The following RIMS2 variants were observed in gnomAD, a reference collection of about 807,000 sequenced individuals.
RIMS2 encodes regulating synaptic membrane exocytosis 2, also known as regulating synaptic membrane exocytosis protein 2.
Under a neutral mutation model 174.4 loss-of-function variants are expected in RIMS2, and 59 were observed. That is an observed-to-expected ratio of 0.34 (90% CI 0.27 to 0.42). The LOEUF is 0.42. Among genes scored for constraint, RIMS2 ranks in the 10% least tolerant of loss-of-function variants. The pLI, the probability that RIMS2 is intolerant of heterozygous loss-of-function variation, is 1.00. For synonymous variants in RIMS2, 606 were observed against 572.5 expected (o/e 1.06, Z -0.84); for missense variants, 1,620 against 1,666.3 (o/e 0.97, Z 0.48).
chr8:103,910,577 G>C, intron 5 of RIMS2, 48 bp downstream of exon 8: 1 of 1,122,964 alleles, frequency 8.9e-7, no homozygotes, highest in Non-Finnish European at 1.3e-6. Flanking sequence ...TTTGGTCTTC[G>C]TTTGCTCTCT....
At position 103,643,698 on chromosome 8, in the gene RIMS2, T is replaced by G. The variant is rs118162415; in HGVS notation, c.177-53388T>G. On this transcript the variant is annotated intron_variant, in intron 1 of 23. Transcript: ENST00000504942. The stretch of plus-strand genomic sequence containing the variant: ...ATAGTTTCTGAGGATTGCAGTTGTT[T>G]TAGTTGTTTCACCTGTTATTATATA... 4.6e-3 allele frequency among the ~76,000 whole-genome samples: 698 copies of G among 152,222 alleles called. 3 individuals are homozygous for G. The highest frequency in any genetic ancestry group is 0.01 in the Middle Eastern group (3 of 294).
chr8:103,524,050 A>T (rs75372565), intron 1 of RIMS2, among the ~76,000 whole-genome samples: 1 of 152,206 alleles, frequency 6.6e-6, no homozygotes, highest in Admixed American at 6.5e-5. Context: ...ATTGTAATAA[A>T]AATTGGATTA....
intron 1 of RIMS2, among the ~76,000 whole-genome samples, chr8:103,550,645 C>CA (rs1245340543): frequency 6.6e-6 from 1 of 151,480 alleles, no homozygotes; most frequent in African/African-American, 2.4e-5. Flanking sequence ...AAAAACCCTT[C>CA]AAAAAAATCA....
rs530895762 is a variant in RIMS2, at chr8:103,752,649, G to A, written c.388-13578G>A. 2.7e-3 allele frequency among the ~76,000 whole-genome samples: 416 copies of A among 152,206 alleles called. 2 individuals carry two copies. Among genetic ancestry groups the A allele is most frequent in the African/African-American group, 9.4e-3 (389 of 41,530 alleles). On this transcript the variant is annotated intron_variant, in intron 2 of 23. Coordinates refer to ENST00000504942, the Ensembl canonical transcript of RIMS2. Reference sequence around the variant, plus strand: ...ATTTCTCCTTGAAGAGGTCCTTCATGTCCCTTGTAAGGTGGATTCCTAGGT... The same window carrying A: ...ATTTCTCCTTGAAGAGGTCCTTCATATCCCTTGTAAGGTGGATTCCTAGGT...
chr8:104,063,518 T>A (rs2097045619), intron 19 of RIMS2, among the ~76,000 whole-genome samples: 2 of 152,058 alleles, frequency 1.3e-5, no homozygotes, highest in South Asian at 4.1e-4. Context: ...AGAGATGGGG[T>A]AAGGAATAGA....
chr8:103,662,135 A>T (rs755731915), intron 1 of RIMS2, among the ~76,000 whole-genome samples: 1 of 152,224 alleles, frequency 6.6e-6, no homozygotes, highest in Non-Finnish European at 1.5e-5. Context: ...ACTTTAAGAA[A>T]GTTTACAGAT....
intron 4 of RIMS2, among the ~76,000 whole-genome samples, chr8:103,909,637 A>C (rs757712479): frequency 2.6e-5 from 4 of 152,120 alleles, no homozygotes; most frequent in Non-Finnish European, 4.4e-5. Flanking sequence ...GAAGAATATC[A>C]TACTGCATTT....
At chr8:103,997,962 G>A (rs1215348035) in intron 17 of RIMS2, among the ~76,000 whole-genome samples, 1 of 151,026 alleles carries the variant, frequency 6.6e-6, no homozygotes, top group Non-Finnish European at 1.5e-5. Context: ...ATGTTATATT[G>A]TTGTTGCATT....
chr8:104,006,786 G>A (rs1190192537), intron 17 of RIMS2, among the ~76,000 whole-genome samples: 4 of 149,492 alleles, frequency 2.7e-5, no homozygotes, highest in Non-Finnish European at 6.0e-5. Flanking sequence ...TACCTCCAGT[G>A]CTTTACTGAT....
At chr8:103,730,476 C>G (rs896395453) in intron 2 of RIMS2, among the ~76,000 whole-genome samples, 1 of 152,186 alleles carries the variant, frequency 6.6e-6, no homozygotes, top group African/African-American at 2.4e-5. Context: ...AACTTGTACA[C>G]TTTAACCTAA....
intron 1 of RIMS2, among the ~76,000 whole-genome samples, chr8:103,579,095 T>C (rs2433249): frequency 0.78 from 118,664 of 152,090 alleles, 46,606 homozygotes; most frequent in East Asian, 0.88. Context: ...TTCACCACCA[T>C]GAATATGGGA....
intron 19 of RIMS2, among the ~76,000 whole-genome samples, chr8:104,018,508 C>T (rs553128965): frequency 6.6e-6 from 1 of 152,068 alleles, no homozygotes; most frequent in Admixed American, 6.5e-5. Context: ...AAATATTTTC[C>T]CTGATGTTTA....
chr8:103,985,950 G>C (rs993934715), intron 16 of RIMS2, among the ~76,000 whole-genome samples: 1 of 152,114 alleles, frequency 6.6e-6, no homozygotes, highest in African/African-American at 2.4e-5. Flanking sequence ...AGCCTGGTGG[G>C]GTGAGAAGAT....
At chr8:103,531,860 T>C (rs1837325824) in intron 1 of RIMS2, among the ~76,000 whole-genome samples, 2 of 152,220 alleles carry the variant, frequency 1.3e-5, no homozygotes, top group African/African-American at 4.8e-5. Flanking sequence ...TAAATATTTA[T>C]TTTCTCTTAT....
At chr8:104,067,403 G>T (rs578223617) in intron 19 of RIMS2, among the ~76,000 whole-genome samples, 2 of 152,056 alleles carry the variant, frequency 1.3e-5, no homozygotes, top group African/African-American at 4.8e-5. Context: ...AATGACAAAT[G>T]TACTTTTTTT....
At chr8:103,630,883 T>A (rs937336952) in intron 1 of RIMS2, among the ~76,000 whole-genome samples, 1 of 152,188 alleles carries the variant, frequency 6.6e-6, no homozygotes, top group Admixed American at 6.5e-5. Context: ...CTATTTTTTT[T>A]ATTTTAATAT....
chr8:103,869,450 G>C (rs1208486348), intron 3 of RIMS2, among the ~76,000 whole-genome samples: 1 of 151,950 alleles, frequency 6.6e-6, no homozygotes, highest in African/African-American at 2.4e-5. Flanking sequence ...GCCCATCTTG[G>C]CCTCCCAAAG....
At chr8:103,768,937 G>T in intron 3 of RIMS2, 1 of 423,760 alleles carries the variant, frequency 2.4e-6, no homozygotes. Flanking sequence ...AATGAAGGAG[G>T]CTAAACAGAA....
chr8:103,967,170 GTTTTTTTTTTTTTTTTT>G (rs71575988), intron 15 of RIMS2, among the ~76,000 whole-genome samples: 2 of 24,952 alleles, frequency 8.0e-5, no homozygotes, highest in Admixed American at 5.9e-4. Context: ...ATCTGTTCTT[GTTTTTTTTTTTTTTTTT>G]TTTTTTTTTT....
Sources: gnomAD v4.1 joint callset for allele counts (sites outside exome capture counted in the v4.1 genomes callset) on GRCh38, gnomAD v4.1.1 for gene constraint, MANE v1.5 for transcripts, NCBI Gene and HGNC (gene_info 2026-07-23, HGNC 2026-07-21) for gene names.